CNIH3: variants seen among roughly 807,000 people sequenced by gnomAD.
CNIH3 encodes cornichon family AMPA receptor auxiliary protein 3, also known as protein cornichon homolog 3.
A neutral mutation model predicts 24.1 loss-of-function variants in CNIH3; 14 were observed. That is an observed-to-expected ratio of 0.58 (90% CI 0.38 to 0.91). CNIH3 has a LOEUF of 0.91. Among genes scored for constraint, CNIH3 ranks in the 40% least tolerant of loss-of-function variants. The pLI is 0.00. For synonymous variants in CNIH3, 68 were observed against 73.8 expected (o/e 0.92, Z 0.40); for missense variants, 178 against 196.8 (o/e 0.90, Z 0.57).
intron 1 of CNIH3, among the ~76,000 whole-genome samples, chr1:224,626,141 GAGA>G (rs1428684941): frequency 6.6e-6 from 1 of 152,136 alleles, no homozygotes; most frequent in Admixed American, 6.5e-5. Flanking sequence ...TTTTAATCTA[GAGA>G]AGAAGCATTA....
rs139559758 is a variant in CNIH3, at chr1:224,598,195, G to A, written n.402+31931G>A. Reference sequence around the variant, plus strand: ...GAAGTTGATTGCATCCCTCATGGATGACTTTGAGGGGTTCAAGACTTCAGT... The same window carrying A: ...GAAGTTGATTGCATCCCTCATGGATAACTTTGAGGGGTTCAAGACTTCAGT... On this transcript the variant is annotated intron_variant and non_coding_transcript_variant, in intron 3 of 7. Transcript: ENST00000478120. Among the ~76,000 whole-genome samples the A allele has an allele frequency of 5.5e-3, 838 of 152,324 alleles. 3 individuals are homozygous for A. Among genetic ancestry groups the A allele is most frequent in the Non-Finnish European group, 7.5e-3 (509 of 68,040 alleles).
chr1:224,462,854 G>A (rs1675981995), intron 1 of CNIH3, among the ~76,000 whole-genome samples: 1 of 150,276 alleles, frequency 6.7e-6, no homozygotes, highest in Admixed American at 6.6e-5. Flanking sequence ...AAACACCTAG[G>A]CTCAAGTGAT....
At chr1:224,594,751 A>G (rs938635743) in intron 3 of CNIH3, among the ~76,000 whole-genome samples, 3 of 152,208 alleles carry the variant, frequency 2.0e-5, no homozygotes, top group African/African-American at 7.2e-5. Context: ...CTCTGGGAAG[A>G]CTAAGGCAGA....
intron 1 of CNIH3, among the ~76,000 whole-genome samples, chr1:224,442,342 C>A (rs7529310): frequency 6.6e-6 from 1 of 152,024 alleles, no homozygotes; most frequent in South Asian, 2.1e-4. Flanking sequence ...TAACAGTAGC[C>A]TTTCTCTATA....
chr1:224,465,109 A>C (rs543797757), intron 1 of CNIH3, among the ~76,000 whole-genome samples: 1 of 146,210 alleles, frequency 6.8e-6, no homozygotes, highest in Admixed American at 6.7e-5. Flanking sequence ...AGTTAGAATT[A>C]TCTTTTTTTT....
intron 4 of CNIH3, among the ~76,000 whole-genome samples, chr1:224,582,152 G>A (rs1248759764): frequency 1.3e-5 from 2 of 152,218 alleles, no homozygotes; most frequent in Middle Eastern, 3.4e-3. Context: ...TCAGCTGTTT[G>A]GCTTTGACAT....
chr1:224,627,901 C>T (rs1387553901), intron 1 of CNIH3, among the ~76,000 whole-genome samples: 2 of 152,128 alleles, frequency 1.3e-5, no homozygotes, highest in Non-Finnish European at 1.5e-5. Context: ...CCACCTGAGT[C>T]TCAGAGGCCA....
intron 2 of CNIH3, among the ~76,000 whole-genome samples, chr1:224,536,162 C>T (rs1679273626): frequency 6.6e-6 from 1 of 152,070 alleles, no homozygotes; most frequent in African/African-American, 2.4e-5. Flanking sequence ...CCTACCCCTC[C>T]CCACCTTTGA....
At chr1:224,461,192 G>A (rs35767322) in intron 1 of CNIH3, among the ~76,000 whole-genome samples, 29,352 of 151,474 alleles carry the variant, frequency 0.19, 3,092 homozygotes, top group Middle Eastern at 0.24. Context: ...TAGTAGAGAC[G>A]GGGTTTTTCC....
At chr1:224,738,869 T>C (rs756698228) in intron 5 of CNIH3, among the ~76,000 whole-genome samples, 6 of 152,118 alleles carry the variant, frequency 3.9e-5, no homozygotes, top group Non-Finnish European at 8.8e-5. Context: ...ACGCTGGCCT[T>C]TGCAGTAGTG....
intron 1 of CNIH3, among the ~76,000 whole-genome samples, chr1:224,442,192 G>A (rs1418877647): frequency 1.3e-5 from 2 of 151,706 alleles, no homozygotes; most frequent in African/African-American, 2.4e-5. Flanking sequence ...CTAACTTTTT[G>A]TAGAGACAGG....
At chr1:224,466,274 C>G (rs1651252206) in intron 1 of CNIH3, among the ~76,000 whole-genome samples, 1 of 152,156 alleles carries the variant, frequency 6.6e-6, no homozygotes, top group South Asian at 2.1e-4. Context: ...AGTCCATAAC[C>G]CCAGCAGCCA....
intron 1 of CNIH3, among the ~76,000 whole-genome samples, chr1:224,454,904 A>G (rs1675582536): frequency 6.6e-6 from 1 of 152,168 alleles, no homozygotes; most frequent in Non-Finnish European, 1.5e-5. Context: ...TGACTCACCT[A>G]CTTAAAGCAT....
chr1:224,464,773 C>A (rs966685813), intron 1 of CNIH3, among the ~76,000 whole-genome samples: 2 of 152,030 alleles, frequency 1.3e-5, no homozygotes, highest in Non-Finnish European at 2.9e-5. Context: ...CAGCTGTATT[C>A]TTCTTTTTTT....
chr1:224,723,536 G>T (rs1688853341), intron 3 of CNIH3, among the ~76,000 whole-genome samples: 1 of 152,220 alleles, frequency 6.6e-6, no homozygotes, highest in Non-Finnish European at 1.5e-5. Context: ...CCCCTCTGGG[G>T]CTGGAAGCAG....
At chr1:224,711,051 CT>C (rs1458560476) in intron 3 of CNIH3, among the ~76,000 whole-genome samples, 3 of 152,154 alleles carry the variant, frequency 2.0e-5, no homozygotes, top group African/African-American at 7.2e-5. Context: ...AGATGAGTGT[CT>C]TTAAAATTGC....
chr1:224,657,753 A>G (rs922700734), intron 1 of CNIH3, among the ~76,000 whole-genome samples: 2 of 152,146 alleles, frequency 1.3e-5, no homozygotes, highest in Non-Finnish European at 1.5e-5. Flanking sequence ...AGTCCTTTTC[A>G]TGAACTCCCC....
downstream of CNIH3, among the ~76,000 whole-genome samples, chr1:224,589,867 T>C (rs1047242366): frequency 3.3e-5 from 5 of 152,102 alleles, no homozygotes; most frequent in Admixed American, 6.6e-5. Context: ...GAGTTACCAG[T>C]TCATCAGGAT....
chr1:224,627,736 C>G (rs929071798), intron 1 of CNIH3, among the ~76,000 whole-genome samples: 1 of 152,154 alleles, frequency 6.6e-6, no homozygotes, highest in Non-Finnish European at 1.5e-5. Context: ...CTCGGACCCA[C>G]GAGTCAGTCT....
Sources: allele counts gnomAD v4.1 joint callset (sites outside exome capture counted in the v4.1 genomes callset), GRCh38; gene constraint gnomAD v4.1.1; transcripts MANE v1.5; gene names NCBI Gene and HGNC (gene_info 2026-07-23, HGNC 2026-07-21).